The following EML6 variants were observed in gnomAD, a reference collection of about 807,000 sequenced individuals.
EML6 encodes EMAP like 6, also known as echinoderm microtubule-associated protein-like 6.
Under a neutral mutation model 240.1 loss-of-function variants are expected in EML6, and 154 were observed. The observed-to-expected ratio is 0.64, with a 90% CI of 0.56 to 0.73. The LOEUF (loss-of-function observed/expected upper bound fraction) is 0.73, where lower values mean the gene tolerates loss of function less well. EML6 is among the 30% of genes least tolerant of loss of function. EML6 has a pLI of 0.00. For missense variants in EML6, 2,964 were observed against 2,474.6 expected, an observed-to-expected ratio of 1.20 and a Z score of -4.20; for synonymous variants, 1,148 against 899.0, an observed-to-expected ratio of 1.28 and a Z score of -4.95.
At chr2:54,913,556 T>C (rs1033401758) in intron 25 of EML6, among the ~76,000 whole-genome samples, 5 of 152,208 alleles carry the variant, frequency 3.3e-5, no homozygotes, top group Admixed American at 6.5e-5. Flanking sequence ...TTAGACCCTT[T>C]TCAGGTGCAT....
In EML6 at chr2:54,948,939, CA is replaced by C. The variant is rs746682537; in HGVS notation, c.4070del (p.Lys1357ArgfsTer9). On this transcript the variant is annotated frameshift_variant, in exon 29 of 42. Coordinates refer to ENST00000356458, the MANE Select transcript of EML6 (RefSeq NM_001039753.4). LOFTEE classifies it high-confidence loss of function. ...AGAAACTGCAGAAGAACAATATCACCAAAAAAAAGAAACTGGTTGAGGTGAG... is the reference window on the plus strand; with the variant it reads ...AGAAACTGCAGAAGAACAATATCACCAAAAAAAGAAACTGGTTGAGGTGAG... ...PEKLQKNNIT[K>X]KKKLVEELAL... 1.9e-5 allele frequency: 29 copies of C among 1,536,808 alleles called. No homozygotes were observed. The highest frequency in any genetic ancestry group is 2.5e-5 in the Non-Finnish European group (28 of 1,134,308).
At chr2:54,955,098 C>T (rs1174054831) in intron 32 of EML6, among the ~76,000 whole-genome samples, 1 of 152,230 alleles carries the variant, frequency 6.6e-6, no homozygotes, top group Non-Finnish European at 1.5e-5. Context: ...TACCATATTC[C>T]TTCAGAAGGT....
rs2104222090 is a variant in EML6, at chr2:54,903,104, G to T, written c.3185G>T (p.Gly1062Val). The change falls in exon 23 of 42, where the codon GGG becomes GTG. Residue 1062 changes from glycine (G) to valine (V), a missense_variant. Coordinates refer to ENST00000356458, the MANE Select transcript of EML6 (RefSeq NM_001039753.4). ...GKALAVGLND[G>V]SFLVVNADTV... ...GCCTTAGCGGTTGGCTTGAACGATG[G>T]GAGTTTCCTGGTGGTAAATGCTGAC... 6.4e-7 allele frequency: 1 copy of T among 1,551,736 alleles called. No individual in the cohort carries two copies. The highest frequency in any genetic ancestry group is 8.7e-7 in the Non-Finnish European group (1 of 1,146,938).
intron 7 of EML6, among the ~76,000 whole-genome samples, chr2:54,841,525 C>T (rs139410255): frequency 2.1e-4 from 32 of 151,428 alleles, no homozygotes; most frequent in East Asian, 5.8e-4. Flanking sequence ...AGGATGTCCG[C>T]GTACCCCAAA....
intron 7 of EML6, among the ~76,000 whole-genome samples, chr2:54,835,039 C>T (rs963039532): frequency 3.3e-5 from 5 of 152,032 alleles, no homozygotes; most frequent in African/African-American, 4.8e-5. Flanking sequence ...GCTGCTCCTT[C>T]CCCTCGCTGC....
chr2:54,831,949 A>G (rs1427942443), intron 7 of EML6, among the ~76,000 whole-genome samples: 3 of 152,156 alleles, frequency 2.0e-5, no homozygotes, highest in African/African-American at 7.2e-5. Context: ...TGATTAATAT[A>G]TCTTTTTAAA....
intron 17 of EML6, among the ~76,000 whole-genome samples, chr2:54,885,336 A>G (rs1429247171): frequency 6.6e-6 from 1 of 150,526 alleles, no homozygotes; most frequent in Non-Finnish European, 1.5e-5. Context: ...AATCCCACCT[A>G]CTCAGGAGGC....
chr2:54,891,521 T>C (rs959890313), intron 18 of EML6, among the ~76,000 whole-genome samples: 2 of 152,234 alleles, frequency 1.3e-5, no homozygotes, highest in Non-Finnish European at 1.5e-5. Context: ...TATTTATCTA[T>C]TACTGAATTT....
chr2:54,945,136 C>A (rs1675620147), intron 28 of EML6, among the ~76,000 whole-genome samples: 1 of 108,076 alleles, frequency 9.3e-6, no homozygotes, highest in South Asian at 4.1e-4. Context: ...CCCATTCCTC[C>A]CTCCCTCATC....
chr2:54,887,465 A>T (rs1310229179), intron 17 of EML6, among the ~76,000 whole-genome samples: 3 of 152,150 alleles, frequency 2.0e-5, no homozygotes, highest in Non-Finnish European at 2.9e-5. Context: ...CCAGTTTGTC[A>T]TTCATCCTTT....
intron 2 of EML6, among the ~76,000 whole-genome samples, chr2:54,780,375 G>A (rs1285712652): frequency 6.6e-6 from 1 of 152,156 alleles, no homozygotes; most frequent in South Asian, 2.1e-4. Context: ...CAAAAATGAC[G>A]TTTGTAGCTT....
chr2:54,871,381 G>C lies in EML6; in HGVS notation c.2239-119G>C, dbSNP rs566647134. The C allele has an allele frequency of 2.4e-3, 1,690 of 714,608 alleles. 20 individuals carry two copies. Among genetic ancestry groups the C allele is most frequent in the South Asian group, 0.01 (590 of 57,552 alleles). The allele number at this position is 714,608 out of a possible 1,614,324, so 44.3% of individuals were successfully genotyped here. A position where few individuals can be genotyped will look rare whatever the true frequency, so the allele number is the denominator to read the frequency against. On this transcript the variant is annotated intron_variant, in intron 15 of 41. Transcript: ENST00000356458. Reference sequence around the variant, plus strand: ...TGAATTGTAGCAGATGATTTCCTAGGGTCCTTCTATTCTCCAAATGGGTTT... The same window carrying C: ...TGAATTGTAGCAGATGATTTCCTAGCGTCCTTCTATTCTCCAAATGGGTTT...
chr2:54,903,893 G>A (rs191425494), intron 24 of EML6, among the ~76,000 whole-genome samples: 32 of 152,126 alleles, frequency 2.1e-4, no homozygotes, highest in African/African-American at 7.7e-4. Flanking sequence ...TTGGAGAACC[G>A]CCCAAAAAGG....
rs535275143 is a variant in EML6, at chr2:54,753,848, T to A, written c.197+28590T>A. Reference sequence around the variant, plus strand: ...CACCATGTCTGGCTAATTAAAAAAATTTTTTTGGCTGGGCGCGATGGCTCA... The same window carrying A: ...CACCATGTCTGGCTAATTAAAAAAAATTTTTTGGCTGGGCGCGATGGCTCA... On this transcript the variant is annotated intron_variant, in intron 2 of 41. Transcript: ENST00000356458. 4.6e-5 allele frequency among the ~76,000 whole-genome samples: 7 copies of A among 151,604 alleles called. No individual in the cohort carries two copies. In the East Asian group the frequency reaches 1.4e-3, roughly 30 times the overall value.
At position 54,790,770 on chromosome 2, in the gene EML6, G is replaced by C. The variant is rs765427461; in HGVS notation, c.198-22462G>C. 1.9e-4 allele frequency among the ~76,000 whole-genome samples: 27 copies of C among 143,806 alleles called. 1 individual carries two copies. Among genetic ancestry groups the C allele is most frequent in the African/African-American group, 6.6e-4 (26 of 39,178 alleles). 94.3% of individuals were successfully genotyped at this position (143,806 alleles called of 152,430 possible). A position where few individuals can be genotyped will look rare whatever the true frequency, so the allele number is the denominator to read the frequency against. On this transcript the variant is annotated intron_variant, in intron 2 of 41. Transcript: ENST00000356458. The stretch of plus-strand genomic sequence containing the variant: ...AGACGGAGTTACGCTCTGTCGCCCA[G>C]GCTGGAGTGCAGTGGCGCGATCTTG...
At chr2:54,841,803 A>G (rs2358154) in intron 7 of EML6, among the ~76,000 whole-genome samples, 103,960 of 151,826 alleles carry the variant, frequency 0.68, 36,154 homozygotes, top group East Asian at 0.9. Context: ...ATGTTGGCCA[A>G]GCTGGTCTCA....
intron 10 of EML6, among the ~76,000 whole-genome samples, chr2:54,851,281 C>T (rs568126983): frequency 3.3e-4 from 50 of 152,138 alleles, no homozygotes; most frequent in Non-Finnish European, 4.7e-4. Context: ...GGCGCGGTGG[C>T]GGGCACCTGT....
At chr2:54,962,848 AC>A in intron 36 of EML6, 137 bp downstream of exon 36, 1 of 579,590 alleles carries the variant, frequency 1.7e-6, no homozygotes, top group Non-Finnish European at 2.8e-6. Context: ...AGAAAACCTA[AC>A]GATAAAAGAA....
intron 2 of EML6, among the ~76,000 whole-genome samples, chr2:54,794,744 C>G (rs1229554131): frequency 6.6e-6 from 1 of 152,124 alleles, no homozygotes; most frequent in East Asian, 1.9e-4. Context: ...CATTCTTAAA[C>G]AAGTGTTCAG....
Sources: allele counts gnomAD v4.1 joint callset (sites outside exome capture counted in the v4.1 genomes callset), GRCh38; gene constraint gnomAD v4.1.1; transcripts MANE v1.5; gene names NCBI Gene and HGNC (gene_info 2026-07-23, HGNC 2026-07-21).